The following ROBO1 variants were observed in gnomAD, a reference collection of about 807,000 sequenced individuals.
ROBO1 encodes the protein roundabout homolog 1.
A neutral mutation model predicts 195.9 loss-of-function variants in ROBO1; 149 were observed. The observed-to-expected ratio is 0.76, with a 90% CI of 0.67 to 0.87. The LOEUF (loss-of-function observed/expected upper bound fraction) is 0.87. Among genes scored for constraint, ROBO1 ranks in the 40% least tolerant of loss-of-function variants. ROBO1 has a pLI of 0.00. For missense variants in ROBO1, 1,933 were observed against 2,068.3 expected, an observed-to-expected ratio of 0.93 and a Z score of 1.27; for synonymous variants, 816 against 733.2, an observed-to-expected ratio of 1.11 and a Z score of -1.82.
rs556728434 is a variant in ROBO1 at position 79,059,291 on chromosome 3, A to T, written c.172+66165T>A. 5.9e-5 allele frequency among the ~76,000 whole-genome samples: 9 copies of T among 152,210 alleles called. No homozygotes were observed. The South Asian group carries it at 1.9e-3, about 32-fold the overall frequency. On this transcript the variant is annotated intron_variant, in intron 3 of 30. Coordinates refer to ENST00000464233, the MANE Select transcript of ROBO1 (RefSeq NM_002941.4). ...AGGCTCATTTATCCATTGTGCTTGG[A>T]GCTGAGGCATTAGATCAGGGGCAGA...
At position 78,999,389 on chromosome 3, in the gene ROBO1, G is replaced by C. The variant is rs531628402; in HGVS notation, c.173-60462C>G. On this transcript the variant is annotated intron_variant, in intron 3 of 30. Coordinates refer to ENST00000464233, the MANE Select transcript of ROBO1 (RefSeq NM_002941.4). The stretch of plus-strand genomic sequence containing the variant: ...AAAGAAGCATGAAATCATGTTCTTT[G>C]CAGCAACATGGATACAGCTGAAAGC... Among the ~76,000 whole-genome samples the C allele has an allele frequency of 5.8e-4, 88 of 152,190 alleles. 1 individual carries two copies. The highest frequency in any genetic ancestry group is 2.0e-3 in the African/African-American group (82 of 41,554).
At chr3:79,232,260 A>AT (rs201271845) in intron 2 of ROBO1, among the ~76,000 whole-genome samples, 1,549 of 147,394 alleles carry the variant, frequency 0.011, 18 homozygotes, top group East Asian at 0.033. Flanking sequence ...AAAAAAAAAA[A>AT]ATATATATAT....
chr3:79,325,755 A>G (rs1311816648), intron 2 of ROBO1, among the ~76,000 whole-genome samples: 4 of 152,190 alleles, frequency 2.6e-5, no homozygotes, highest in African/African-American at 7.2e-5. Flanking sequence ...CACAAATTGT[A>G]GAGCATGTGT....
intron 2 of ROBO1, among the ~76,000 whole-genome samples, chr3:79,341,712 G>A (rs533003691): frequency 1.3e-5 from 2 of 151,878 alleles, no homozygotes; most frequent in Non-Finnish European, 2.9e-5. Context: ...TATATTAAAC[G>A]TTTAGCCCAT....
At chr3:78,787,735 A>AAGCCAGG (rs2083880360) in intron 4 of ROBO1, among the ~76,000 whole-genome samples, 1 of 152,058 alleles carries the variant, frequency 6.6e-6, no homozygotes, top group African/African-American at 2.4e-5. Flanking sequence ...TTGAAGCCAG[A>AAGCCAGG]AGCCAGGATT....
At chr3:78,736,294 C>T (rs796644645) in intron 5 of ROBO1, among the ~76,000 whole-genome samples, 8 of 152,232 alleles carry the variant, frequency 5.3e-5, no homozygotes, top group African/African-American at 1.9e-4. Flanking sequence ...GAGCTTCGAA[C>T]ATAAGACAGA....
intron 28 of ROBO1, among the ~76,000 whole-genome samples, chr3:78,614,350 A>G (rs1291181578): frequency 6.6e-6 from 1 of 152,236 alleles, no homozygotes; most frequent in Admixed American, 6.5e-5. Context: ...CATTACTTCA[A>G]CTATCAGTTT....
chr3:79,335,390 T>G (rs548348166), intron 2 of ROBO1, among the ~76,000 whole-genome samples: 9 of 152,108 alleles, frequency 5.9e-5, no homozygotes, highest in Non-Finnish European at 1.3e-4. Flanking sequence ...TCTTGAAGTG[T>G]CAAGGGCGGG....
At chr3:78,737,706 G>C (rs2082424406) in intron 5 of ROBO1, among the ~76,000 whole-genome samples, 1 of 152,070 alleles carries the variant, frequency 6.6e-6, no homozygotes, top group South Asian at 2.1e-4. Context: ...TAAAAATTAA[G>C]ATAGACAGGA....
intron 2 of ROBO1, among the ~76,000 whole-genome samples, chr3:79,259,482 A>G (rs2082899523): frequency 6.6e-6 from 1 of 152,062 alleles, no homozygotes. Context: ...CAATTAAGTT[A>G]TTATTGGCTA....
intron 1 of ROBO1, among the ~76,000 whole-genome samples, chr3:79,715,829 C>T (rs1702460193): frequency 6.6e-6 from 1 of 152,000 alleles, no homozygotes; most frequent in Non-Finnish European, 1.5e-5. Context: ...GACAGAATTA[C>T]ATTTAAATAG....
At chr3:78,776,969 C>G (rs1389208002) in intron 4 of ROBO1, among the ~76,000 whole-genome samples, 1 of 152,016 alleles carries the variant, frequency 6.6e-6, no homozygotes, top group Non-Finnish European at 1.5e-5. Flanking sequence ...GGACTATTAG[C>G]TTTTATGGTT....
intron 2 of ROBO1, among the ~76,000 whole-genome samples, chr3:79,542,173 AG>A: frequency 6.6e-6 from 1 of 152,118 alleles, no homozygotes; most frequent in Non-Finnish European, 1.5e-5. Flanking sequence ...AAGGACTGTC[AG>A]TAGCAATTAA....
chr3:79,391,612 A>C (rs1045609427), intron 2 of ROBO1, among the ~76,000 whole-genome samples: 8 of 152,124 alleles, frequency 5.3e-5, no homozygotes, highest in African/African-American at 1.7e-4. Context: ...TGAAATTTTC[A>C]GTATAACATA....
intron 2 of ROBO1, among the ~76,000 whole-genome samples, chr3:79,259,187 T>C (rs1576888037): frequency 6.6e-6 from 1 of 152,086 alleles, no homozygotes; most frequent in Non-Finnish European, 1.5e-5. Context: ...TTCCTTCACC[T>C]GGGCTGGAGC....
rs146188705 is a variant in ROBO1 at position 79,080,677 on chromosome 3, A to G, written c.172+44779T>C. 5.9e-5 allele frequency among the ~76,000 whole-genome samples: 9 copies of G among 152,182 alleles called. 1 individual carries two copies. The highest frequency in any genetic ancestry group is 2.2e-4 in the African/African-American group (9 of 41,560). Reference sequence around the variant, plus strand: ...GATCCTTCAATGAAATGAGTAAGTAATATGTAAATTTTAGGAAAGGTCATG... The same window carrying G: ...GATCCTTCAATGAAATGAGTAAGTAGTATGTAAATTTTAGGAAAGGTCATG... On this transcript the variant is annotated intron_variant, in intron 3 of 30. Transcript: ENST00000464233.
At chr3:79,061,076 T>A (rs2078908641) in intron 3 of ROBO1, among the ~76,000 whole-genome samples, 2 of 152,162 alleles carry the variant, frequency 1.3e-5, no homozygotes, top group South Asian at 4.1e-4. Context: ...TGTTTGCAGA[T>A]GACATGATTT....
At chr3:79,241,699 G>A (rs1169827316) in intron 2 of ROBO1, among the ~76,000 whole-genome samples, 1 of 149,588 alleles carries the variant, frequency 6.7e-6, no homozygotes, top group Non-Finnish European at 1.5e-5. Context: ...TAATAAATAT[G>A]TAATAACAAT....
Position 78,938,895 on chromosome 3 carries a change from G to T in ROBO1, c.205C>A (p.Arg69Ser). ...SRLRQEDFPP[R>S]IVEHPSDLIV... ...AGGTCTGAAGGGTGTTCAACAATGCGAGGTGGAAAATCTTCCTGACGAAGA... is the reference window on the plus strand; with the variant it reads ...AGGTCTGAAGGGTGTTCAACAATGCTAGGTGGAAAATCTTCCTGACGAAGA... The change falls in exon 4 of 31, where the codon CGC (arginine) becomes AGC (serine). Residue 69 changes from arginine (R) to serine (S), a missense_variant. By Grantham distance (110) the Arg-to-Ser change is moderately radical. This residue lies in a region of ROBO1 where 185 missense variants were observed against 159.5 expected (regional missense o/e 1.16). Transcript: ENST00000464233. 1 of 1,610,758 alleles carries T rather than the reference G, an allele frequency of 6.2e-7. No individual in the cohort carries two copies. Among genetic ancestry groups the T allele is most frequent in the Admixed American group, 1.7e-5 (1 of 59,652 alleles).
Sources: gnomAD v4.1 joint callset for allele counts (sites outside exome capture counted in the v4.1 genomes callset) on GRCh38, gnomAD v4.1.1 for gene constraint, gnomAD v4.1.1 regional missense constraint, MANE v1.5 for transcripts, NCBI Gene and HGNC (gene_info 2026-07-23, HGNC 2026-07-21) for gene names.